ARFGEF3: variants seen among roughly 807,000 people sequenced by gnomAD.
ARFGEF3 encodes brefeldin A-inhibited guanine nucleotide-exchange protein 3.
Under a neutral mutation model 221.7 loss-of-function variants are expected in ARFGEF3, and 96 were observed. That is an observed-to-expected ratio of 0.43 (90% CI 0.37 to 0.51). The LOEUF (loss-of-function observed/expected upper bound fraction) is 0.51. Ranked by LOEUF, ARFGEF3 falls within the 20% of genes least tolerant of loss-of-function variation. The pLI is 0.00. For missense variants in ARFGEF3, 2,410 were observed against 2,789.9 expected, an observed-to-expected ratio of 0.86 and a Z score of 3.07; for synonymous variants, 1,145 against 1,126.8, an observed-to-expected ratio of 1.02 and a Z score of -0.32.
chr6:138,326,827 A>G (rs1170667788), intron 31 of ARFGEF3, among the ~76,000 whole-genome samples: 2 of 152,236 alleles, frequency 1.3e-5, no homozygotes, highest in East Asian at 1.9e-4. Flanking sequence ...TCACTGCAGA[A>G]CTATTTACAA....
chr6:138,198,592 A>G (rs1014007233), intron 2 of ARFGEF3, among the ~76,000 whole-genome samples: 1 of 152,206 alleles, frequency 6.6e-6, no homozygotes, highest in Non-Finnish European at 1.5e-5. Flanking sequence ...GAGTGTCACC[A>G]CAGTGAGGGT....
chr6:138,333,586 G>GCA (rs1780263326), intron 32 of ARFGEF3, among the ~76,000 whole-genome samples: 1 of 152,038 alleles, frequency 6.6e-6, no homozygotes, highest in Admixed American at 6.6e-5. Flanking sequence ...GGGACTACAG[G>GCA]TGCCCGCCAC....
chr6:138,264,434 C>G (rs1778849314), intron 12 of ARFGEF3, among the ~76,000 whole-genome samples: 2 of 152,242 alleles, frequency 1.3e-5, no homozygotes, highest in South Asian at 4.1e-4. Flanking sequence ...TGTGCCTTTC[C>G]CTCAAGTACA....
At position 138,339,768 on chromosome 6, in the gene ARFGEF3, A is replaced by G. The variant is rs556244657; in HGVS notation, c.*3282A>G. ...CTGTATCTCCTGATCTGCTTTTAAAAATAGTTAGTTAGGCTGCCTTTTTAC... is the reference window on the plus strand; with the variant it reads ...CTGTATCTCCTGATCTGCTTTTAAAGATAGTTAGTTAGGCTGCCTTTTTAC... On this transcript the variant is annotated 3_prime_UTR_variant, in exon 34 of 34. Coordinates refer to ENST00000251691, the MANE Select transcript of ARFGEF3 (RefSeq NM_020340.5). 6.6e-6 allele frequency: 1 copy of G among 152,232 alleles called. No homozygotes were observed. The highest frequency in any genetic ancestry group is 1.5e-5 in the Non-Finnish European group (1 of 68,078). The allele number at this position is 152,232 out of a possible 1,614,324, so 9.4% of individuals were successfully genotyped here.
Position 138,334,047 on chromosome 6 carries a change from A to G in ARFGEF3, c.5201A>G (p.Glu1734Gly). 1.2e-6 allele frequency: 2 copies of G among 1,613,924 alleles called. No homozygotes were observed. Among genetic ancestry groups the G allele is most frequent in the Non-Finnish European group, 1.7e-6 (2 of 1,179,878 alleles). The change falls in exon 33 of 34, where the codon GAA (glutamate) becomes GGA (glycine). Residue 1734 changes from glutamate (E) to glycine (G), a missense_variant. Glu to Gly is a moderately conservative substitution (Grantham distance 98). Transcript: ENST00000251691. The surrounding 1 kb of genome is among the most constrained non-coding windows in gnomAD (Gnocchi z 5.1). ...CAGAACTTATATGACATCTTGTTAG[A>G]AGAGTTTGTCAAAGGCCCCTCTCCT... Reference protein sequence around the residue: ...LLQNLYDILLEEFVKGPSPGE... With the variant: ...LLQNLYDILLGEFVKGPSPGE...
chr6:138,199,692 A>C (rs1403030989), intron 2 of ARFGEF3, among the ~76,000 whole-genome samples: 1 of 152,222 alleles, frequency 6.6e-6, no homozygotes, highest in African/African-American at 2.4e-5. Flanking sequence ...CTGTTGGTTT[A>C]TAGAAGAGCT....
intron 1 of ARFGEF3, among the ~76,000 whole-genome samples, chr6:138,169,978 C>G (rs80117110): frequency 0.028 from 4,229 of 152,302 alleles, 85 homozygotes; most frequent in African/African-American, 0.056. Flanking sequence ...AACACAATTT[C>G]AGCTGCAAGA....
At chr6:138,302,900 A>G (rs1334664917) in intron 22 of ARFGEF3, among the ~76,000 whole-genome samples, 1 of 152,236 alleles carries the variant, frequency 6.6e-6, no homozygotes, top group Non-Finnish European at 1.5e-5. Context: ...AATTCCTTTA[A>G]GCTGAAAGAA....
intron 4 of ARFGEF3, among the ~76,000 whole-genome samples, chr6:138,213,950 T>C (rs911729756): frequency 3.9e-5 from 6 of 152,228 alleles, no homozygotes; most frequent in Non-Finnish European, 8.8e-5. Context: ...GGCTCCATAA[T>C]CATTTGCTAT....
intron 22 of ARFGEF3, among the ~76,000 whole-genome samples, chr6:138,299,385 G>C (rs1187180272): frequency 6.6e-6 from 1 of 151,790 alleles, no homozygotes; most frequent in East Asian, 1.9e-4. Context: ...GCAATCTGCT[G>C]GCCTATCTCT....
chr6:138,223,719 T>C (rs368133003), intron 4 of ARFGEF3, among the ~76,000 whole-genome samples: 54 of 152,274 alleles, frequency 3.5e-4, no homozygotes, highest in African/African-American at 1.2e-3. Flanking sequence ...TCTTTTCCCC[T>C]AGGTTTAATT....
intron 2 of ARFGEF3, among the ~76,000 whole-genome samples, chr6:138,186,428 C>G (rs1554248015): frequency 6.6e-6 from 1 of 152,170 alleles, no homozygotes; most frequent in Non-Finnish European, 1.5e-5. Context: ...GCTGTTGCAG[C>G]TTCAGATCTC....
rs750149419 is a variant in ARFGEF3 at position 138,291,850 on chromosome 6, C to A, written c.3165C>A (p.Asp1055Glu). 17 of 1,502,602 alleles carry A rather than the reference C, an allele frequency of 1.1e-5. No homozygotes were observed. In the East Asian group the frequency reaches 4.5e-4, roughly 40 times the overall value. 93.1% of individuals were successfully genotyped at this position (1,502,602 alleles called of 1,614,324 possible). ...KATGSAGLLG[D>E]PECEGSPPEH... ...CTGGAAGCGCTGGCCTCCTTGGGGA[C>A]CCCGAGTGTGAGGGCTCGCCCCCCG... Residue 1055 changes from aspartate to glutamate, a missense_variant, in exon 19 of 34, where the codon GAC becomes GAA. Transcript: ENST00000251691. This position sits in a 1 kb window ranked among gnomAD's most constrained non-coding sequence, Gnocchi z 4.5.
At chr6:138,275,700 C>T (rs1260686542) in intron 12 of ARFGEF3, among the ~76,000 whole-genome samples, 1 of 150,466 alleles carries the variant, frequency 6.6e-6, no homozygotes, top group Non-Finnish European at 1.5e-5. Flanking sequence ...GCCAAGATCG[C>T]ACCACTGCAC....
In ARFGEF3 at chr6:138,261,471, C is replaced by T. The variant is rs560818124; in HGVS notation, c.1105-56C>T. On this transcript the variant is annotated intron_variant, in intron 10 of 33. Transcript: ENST00000251691. ...TTTTTTGATCTCACAATTTAAAAAC[C>T]TTGTGCTTTTTTGTGATATTCACTT... 4.8e-6 allele frequency: 5 copies of T among 1,048,798 alleles called. No homozygotes were observed. In the South Asian group the frequency reaches 8.1e-5, roughly 17 times the overall value. 65.0% of individuals were successfully genotyped at this position (1,048,798 alleles called of 1,614,324 possible). A position where few individuals can be genotyped will look rare whatever the true frequency, so the allele number is the denominator to read the frequency against.
At chr6:138,298,090 T>C (rs1447107641) in intron 21 of ARFGEF3, among the ~76,000 whole-genome samples, 1 of 152,190 alleles carries the variant, frequency 6.6e-6, no homozygotes, top group Non-Finnish European at 1.5e-5. Context: ...TGTGTTCCAC[T>C]GGCCAAAGCA....
chr6:138,261,368 T>A (rs1010548832), intron 10 of ARFGEF3, among the ~76,000 whole-genome samples, 159 bp from the exon 11 acceptor site: 1 of 152,224 alleles, frequency 6.6e-6, no homozygotes, highest in Non-Finnish European at 1.5e-5. Context: ...AAAACCTAAA[T>A]CAGCTTTACT....
intron 2 of ARFGEF3, among the ~76,000 whole-genome samples, chr6:138,196,781 T>A (rs1011085326): frequency 4.1e-4 from 63 of 152,210 alleles, no homozygotes; most frequent in African/African-American, 1.5e-3. Flanking sequence ...TTGTCAGTTG[T>A]ACAAAAATAC....
At chr6:138,329,627 G>A (rs1358709887) in intron 32 of ARFGEF3, among the ~76,000 whole-genome samples, 5 of 152,168 alleles carry the variant, frequency 3.3e-5, no homozygotes, top group Non-Finnish European at 4.4e-5. Context: ...TCACGCCACT[G>A]CACTCCAGCC....
Sources: gnomAD v4.1 joint callset for allele counts (sites outside exome capture counted in the v4.1 genomes callset) on GRCh38, gnomAD v4.1.1 for gene constraint, Gnocchi (gnomAD v3.1) non-coding constraint, MANE v1.5 for transcripts, NCBI Gene and HGNC (gene_info 2026-07-23, HGNC 2026-07-21) for gene names.